The following PTPN11 variants were observed in gnomAD, a reference collection of about 807,000 sequenced individuals.
The protein encoded by PTPN11 is tyrosine-protein phosphatase non-receptor type 11.
A neutral mutation model predicts 78.8 loss-of-function variants in PTPN11; 6 were observed. That is an observed-to-expected ratio of 0.08 (90% CI 0.04 to 0.15). The LOEUF is 0.15. Ranked by LOEUF, PTPN11 falls within the 10% of genes least tolerant of loss-of-function variation. The probability of loss-of-function intolerance (pLI) is 1.00; values close to 1 mark genes in which losing one functional copy is unlikely to be tolerated. For synonymous variants in PTPN11, 221 were observed against 263.5 expected (o/e 0.84, Z 1.56); for missense variants, 386 against 744.8 (o/e 0.52, Z 5.61).
chr12:112,429,802 CAA>C (rs1325847121), intron 1 of PTPN11, among the ~76,000 whole-genome samples: 1 of 125,472 alleles, frequency 8.0e-6, no homozygotes, highest in African/African-American at 2.9e-5. Context: ...GACTCCGTCT[CAA>C]AAAAAAAAAC....
chr12:112,421,633 T>G (rs2037523471), intron 1 of PTPN11, among the ~76,000 whole-genome samples: 1 of 151,784 alleles, frequency 6.6e-6, no homozygotes, highest in African/African-American at 2.4e-5. Flanking sequence ...TTATTATTAT[T>G]GTTATTATTG....
At chr12:112,445,207 C>A (rs982150662) in intron 1 of PTPN11, among the ~76,000 whole-genome samples, 1 of 152,176 alleles carries the variant, frequency 6.6e-6, no homozygotes, top group Admixed American at 6.6e-5. Flanking sequence ...TCATGGCTCA[C>A]TGCAACCTCT....
chr12:112,473,729 C>G (rs2038455047), intron 7 of PTPN11, among the ~76,000 whole-genome samples: 1 of 151,768 alleles, frequency 6.6e-6, no homozygotes, highest in Non-Finnish European at 1.5e-5. Flanking sequence ...CGCCTGTAAT[C>G]CCAGCTACTC....
Position 112,446,324 on chromosome 12 carries a change from G to A in PTPN11, c.63G>A (p.Leu21=). 1 of 1,614,112 alleles carries A rather than the reference G, an allele frequency of 6.2e-7. No homozygotes were observed. The highest frequency in any genetic ancestry group is 8.5e-7 in the Non-Finnish European group (1 of 1,179,982). Reference sequence around the variant, plus strand: ...GTGTGGAGGCAGAAAACCTACTGTTGACAAGAGGAGTTGATGGCAGTTTTT... The same window carrying A: ...GTGTGGAGGCAGAAAACCTACTGTTAACAAGAGGAGTTGATGGCAGTTTTT... The part of the protein sequence containing the change: ...ITGVEAENLL[L]TRGVDGSFLA... The change falls in exon 2 of 16, where the codon TTG becomes TTA. Residue 21 remains leucine (L), a synonymous_variant. Transcript: ENST00000351677.
In PTPN11 at chr12:112,454,522, T is replaced by C. The variant is rs561664035; in HGVS notation, c.526-42T>C. On this transcript the variant is annotated intron_variant, in intron 4 of 15. Coordinates refer to ENST00000351677, the MANE Select transcript of PTPN11 (RefSeq NM_002834.5). ...AGTGCTTGAAAACACTAATGTAACA[T>C]AAAGGTAACAAATAATAAATGTCAT... is the stretch of plus-strand genomic sequence containing the variant. 10 of 1,435,682 alleles carry C rather than the reference T, an allele frequency of 7.0e-6. No individual in the cohort carries two copies. In the Admixed American group the frequency reaches 1.7e-4, roughly 24 times the overall value. The allele number at this position is 1,435,682 out of a possible 1,614,324, so 88.9% of individuals were successfully genotyped here. A position where few individuals can be genotyped will look rare whatever the true frequency, so the allele number is the denominator to read the frequency against.
rs1353753602 is a variant in PTPN11 at position 112,504,666 on chromosome 12, A to G, written c.1713-29A>G. On this transcript the variant is annotated intron_variant, in intron 14 of 15. Transcript: ENST00000351677. This position sits in a 1 kb window ranked among gnomAD's most constrained non-coding sequence, Gnocchi z 4.7. Reference sequence around the variant, plus strand: ...TAAACAGCGTGGTCTACATTTTTGTAAATGTCTTTCTTTTTCTTTTCTCTC... The same window carrying G: ...TAAACAGCGTGGTCTACATTTTTGTGAATGTCTTTCTTTTTCTTTTCTCTC... The G allele has an allele frequency of 3.3e-6, 5 of 1,506,694 alleles. No individual in the cohort carries two copies. The highest frequency in any genetic ancestry group is 4.6e-6 in the Non-Finnish European group (5 of 1,086,258). 93.3% of individuals were successfully genotyped at this position (1,506,694 alleles called of 1,614,324 possible).
In PTPN11 at chr12:112,504,107, C is replaced by T. The variant is rs539607667; in HGVS notation, c.1713-588C>T. Among the ~76,000 whole-genome samples, 4 of 152,182 alleles carry T rather than the reference C, an allele frequency of 2.6e-5. No homozygotes were observed. Among genetic ancestry groups the T allele is most frequent in the Admixed American group, 6.6e-5 (1 of 15,266 alleles). Reference sequence around the variant, plus strand: ...GCATTTCCAACCTTTCTTCACAGTGCGATCCAAATGCCTCATCCTACAGGC... The same window carrying T: ...GCATTTCCAACCTTTCTTCACAGTGTGATCCAAATGCCTCATCCTACAGGC... On this transcript the variant is annotated intron_variant, in intron 14 of 15. Transcript: ENST00000351677. The surrounding 1 kb of genome is among the most constrained non-coding windows in gnomAD (Gnocchi z 4.7).
rs397507539 is a variant in PTPN11, at chr12:112,489,047, C to A, written c.1471C>A (p.Pro491Thr). 2 of 1,614,002 alleles carry A rather than the reference C, an allele frequency of 1.2e-6. No homozygotes were observed. Among genetic ancestry groups the A allele is most frequent in the Non-Finnish European group, 8.5e-7 (1 of 1,180,016 alleles). ...AGGTGTTGACTGCGATATTGACGTT[C>A]CCAAAACCATCCAGATGGTGCGGTC... ...EKGVDCDIDV[P>T]KTIQMVRSQR... Residue 491 changes from proline (P) to threonine (T), a missense_variant, in exon 13 of 16, where the codon CCC (proline) becomes ACC (threonine). By Grantham distance (38) the Pro-to-Thr change is conservative. Transcript: ENST00000351677.
chr12:112,495,378 A>G (rs1183699302), intron 13 of PTPN11, among the ~76,000 whole-genome samples: 1 of 152,136 alleles, frequency 6.6e-6, no homozygotes, highest in East Asian at 1.9e-4. Context: ...GACGATTTTT[A>G]AGAGTACTGG....
intron 1 of PTPN11, among the ~76,000 whole-genome samples, chr12:112,444,184 A>G (rs953668819): frequency 2.0e-5 from 3 of 152,180 alleles, no homozygotes; most frequent in Non-Finnish European, 2.9e-5. Flanking sequence ...TTGTCTATTC[A>G]TCCATCTATA....
In PTPN11 at chr12:112,507,683, G is replaced by T. The variant is rs1398742204; in HGVS notation, c.*1891G>T. On this transcript the variant is annotated 3_prime_UTR_variant, in exon 16 of 16. Coordinates refer to ENST00000351677, the MANE Select transcript of PTPN11 (RefSeq NM_002834.5). The stretch of plus-strand genomic sequence containing the variant: ...TTTGCCATGAAGTTGTGGCCTCCTT[G>T]GATTCTTCTGACTTTGGCTTCTGAA... The T allele has an allele frequency of 6.6e-6, 1 of 152,646 alleles. No homozygotes were observed. Among genetic ancestry groups the T allele is most frequent in the African/African-American group, 2.4e-5 (1 of 41,434 alleles). The allele number at this position is 152,646 out of a possible 1,614,324, so 9.5% of individuals were successfully genotyped here.
At chr12:112,453,111 G>C in intron 3 of PTPN11, 84 bp from the exon 4 acceptor site, 1 of 1,166,422 alleles carries the variant, frequency 8.6e-7, no homozygotes, top group South Asian at 1.3e-5. Flanking sequence ...GTTTAGGAGA[G>C]CTGACTGTAT....
At chr12:112,498,462 C>T (rs1313084800) in intron 13 of PTPN11, among the ~76,000 whole-genome samples, 1 of 152,166 alleles carries the variant, frequency 6.6e-6, no homozygotes, top group Admixed American at 6.5e-5. Flanking sequence ...TTTCATTTTA[C>T]CCTCTCTTCC....
rs568340391 is a variant in PTPN11 at position 112,455,961 on chromosome 12, G to A, written c.654G>A (p.Thr218=). The change falls in exon 6 of 16, where the codon ACG becomes ACA. Residue 218 remains threonine (T), a synonymous_variant. Coordinates refer to ENST00000351677, the MANE Select transcript of PTPN11 (RefSeq NM_002834.5). ...TVLQLKQPLN[T]TRINAAEIES... The stretch of plus-strand genomic sequence containing the variant: ...CTGTACTCGATCAGCCCCTTAACAC[G>A]ACTCGTATAAATGCTGCTGAAATAG... 1 of 1,602,436 alleles carries A rather than the reference G, an allele frequency of 6.2e-7. No individual in the cohort carries two copies. The highest frequency in any genetic ancestry group is 8.5e-7 in the Non-Finnish European group (1 of 1,172,900).
At chr12:112,451,966 C>T (rs1235005069) in intron 3 of PTPN11, among the ~76,000 whole-genome samples, 1 of 152,080 alleles carries the variant, frequency 6.6e-6, no homozygotes, top group Non-Finnish European at 1.5e-5. Context: ...ACCTCCGCCT[C>T]CCAGATTCAA....
chr12:112,472,070 C>T (rs1379496894), intron 6 of PTPN11, among the ~76,000 whole-genome samples: 1 of 152,138 alleles, frequency 6.6e-6, no homozygotes, highest in African/African-American at 2.4e-5. Flanking sequence ...TAACTCCTGA[C>T]TTCAGGTAAT....
At chr12:112,478,286 T>C (rs2038540785) in intron 9 of PTPN11, among the ~76,000 whole-genome samples, 2 of 151,980 alleles carry the variant, frequency 1.3e-5, no homozygotes, top group Non-Finnish European at 2.9e-5. Context: ...CAGATACATA[T>C]CCTGGGCTGG....
intron 6 of PTPN11, among the ~76,000 whole-genome samples, chr12:112,465,779 A>G (rs746194210): frequency 1.3e-5 from 2 of 152,096 alleles, no homozygotes; most frequent in Non-Finnish European, 2.9e-5. Context: ...ATTCTCATTG[A>G]CTCGGATGCC....
Position 112,489,864 on chromosome 12 carries a change from C to G in PTPN11, c.1599+689C>G, listed in dbSNP as rs146217467. Among the ~76,000 whole-genome samples, 219 of 152,274 alleles carry G rather than the reference C, an allele frequency of 1.4e-3. 1 individual carries two copies. Among genetic ancestry groups the G allele is most frequent in the Non-Finnish European group, 2.6e-3 (177 of 68,012 alleles). On this transcript the variant is annotated intron_variant, in intron 13 of 15. Coordinates refer to ENST00000351677, the MANE Select transcript of PTPN11 (RefSeq NM_002834.5). Reference sequence around the variant, plus strand: ...CCTGCATTACTCTGCTCGTTGCCTTCCAGAGAACTCAGCTTCTCCAAATGC... The same window carrying G: ...CCTGCATTACTCTGCTCGTTGCCTTGCAGAGAACTCAGCTTCTCCAAATGC...
Sources: allele counts gnomAD v4.1 joint callset (sites outside exome capture counted in the v4.1 genomes callset), GRCh38; gene constraint gnomAD v4.1.1; non-coding constraint Gnocchi (gnomAD v3.1); transcripts MANE v1.5; gene names NCBI Gene and HGNC (gene_info 2026-07-23, HGNC 2026-07-21).